Variants in ACSM1 observed in about 807,000 individuals in gnomAD.
The protein encoded by ACSM1 is acyl-coenzyme A synthetase ACSM1, mitochondrial.
ACSM1 carries 79 observed loss-of-function variants against 75.8 expected under a neutral mutation model. The observed-to-expected ratio is 1.04, with a 90% CI of 0.87 to 1.26. The LOEUF is 1.26. Among genes scored for constraint, ACSM1 ranks in the 50% most tolerant of loss-of-function variants. The pLI is 0.00. For synonymous variants in ACSM1, 279 were observed against 265.8 expected (o/e 1.05, Z -0.48); for missense variants, 676 against 720.1 (o/e 0.94, Z 0.70).
chr16:20,677,170 G>T (rs1340642370), intron 4 of ACSM1, among the ~76,000 whole-genome samples: 1 of 150,380 alleles, frequency 6.6e-6, no homozygotes, highest in East Asian at 1.9e-4. Context: ...ACAAAGAGAA[G>T]GAAAGAAAGA....
chr16:20,638,670 G>A (rs2017876881), intron 8 of ACSM1, among the ~76,000 whole-genome samples: 1 of 152,200 alleles, frequency 6.6e-6, no homozygotes, highest in African/African-American at 2.4e-5. Context: ...AGGTGAGAAA[G>A]CATACATAAT....
chr16:20,678,312 A>G (rs1352851797), intron 4 of ACSM1, among the ~76,000 whole-genome samples: 2 of 152,184 alleles, frequency 1.3e-5, no homozygotes, highest in Non-Finnish European at 2.9e-5. Context: ...AAAAAACAGC[A>G]CTAAAGACAT....
chr16:20,637,465 AAAG>A lies in ACSM1; in HGVS notation c.1117-17_1117-15del. On this transcript the variant is annotated splice_polypyrimidine_tract_variant and intron_variant, in intron 8 of 13. Transcript: ENST00000520010. ...ACAAATTAGTCCCTGTTCACAAAAGAAAGAAGATTTGGGTTGATCAGAGAGGCC... is the reference window on the plus strand; with the variant it reads ...ACAAATTAGTCCCTGTTCACAAAAGAAAGATTTGGGTTGATCAGAGAGGCC... 6.2e-7 allele frequency: 1 copy of A among 1,612,634 alleles called. No individual in the cohort carries two copies. Among genetic ancestry groups the A allele is most frequent in the Non-Finnish European group, 8.5e-7 (1 of 1,179,260 alleles).
rs148357728 is a variant in ACSM1, at chr16:20,659,958, C to A, written c.992+1836G>T. Reference sequence around the variant, plus strand: ...TTTGCATTGTCCTGCCTTTCTGAACCAAACCAATGTGTTTCTTAAATGTAT... The same window carrying A: ...TTTGCATTGTCCTGCCTTTCTGAACAAAACCAATGTGTTTCTTAAATGTAT... On this transcript the variant is annotated intron_variant, in intron 7 of 13. Transcript: ENST00000520010. Among the ~76,000 whole-genome samples, 1,167 of 152,242 alleles carry A rather than the reference C, an allele frequency of 7.7e-3. 9 individuals are homozygous for A. Among genetic ancestry groups the A allele is most frequent in the African/African-American group, 0.027 (1,113 of 41,548 alleles).
In ACSM1 at chr16:20,635,880, C is replaced by A. The variant is rs528220755; in HGVS notation, c.1299+859G>T. ...GGTTTCGAACTCCTGACCTCGTGAT[C>A]CACCCACCTAGGCTTCCCAAAGTGC... is the stretch of plus-strand genomic sequence containing the variant. On this transcript the variant is annotated intron_variant, in intron 10 of 13. Coordinates refer to ENST00000520010, the MANE Select transcript of ACSM1 (RefSeq NM_001318890.3). Among the ~76,000 whole-genome samples the A allele has an allele frequency of 7.9e-5, 12 of 152,214 alleles. No homozygotes were observed. In the East Asian group the frequency reaches 2.1e-3, roughly 27 times the overall value.
chr16:20,665,968 A>T (rs1344640872), intron 6 of ACSM1, among the ~76,000 whole-genome samples: 1 of 152,160 alleles, frequency 6.6e-6, no homozygotes. Flanking sequence ...GAAATGAGGC[A>T]TTGAAAGAAC....
chr16:20,691,252 T>C lies in ACSM1; in HGVS notation c.-51-13A>G, dbSNP rs1014690654. The C allele has an allele frequency of 7.3e-7, 1 of 1,364,390 alleles. No individual in the cohort carries two copies. The highest frequency in any genetic ancestry group is 1.5e-5 in the African/African-American group (1 of 66,696). 84.5% of individuals were successfully genotyped at this position (1,364,390 alleles called of 1,614,324 possible). A position where few individuals can be genotyped will look rare whatever the true frequency, so the allele number is the denominator to read the frequency against. On this transcript the variant is annotated splice_polypyrimidine_tract_variant and intron_variant, in intron 1 of 13. Transcript: ENST00000520010. ...AGTCACCACCTGCCTTGGGAAGAGA[T>C]GGCTAATAGATTGGCTGTGTATCCA...
At chr16:20,633,450 T>C (rs2017470644) in intron 10 of ACSM1, among the ~76,000 whole-genome samples, 1 of 152,104 alleles carries the variant, frequency 6.6e-6, no homozygotes, top group African/African-American at 2.4e-5. Flanking sequence ...AAGACAGTAG[T>C]ACTCATAATA....
Position 20,672,523 on chromosome 16 carries a change from A to T in ACSM1, c.612-852T>A, listed in dbSNP as rs1246043355. Among the ~76,000 whole-genome samples, 4 of 133,340 alleles carry T rather than the reference A, an allele frequency of 3.0e-5. No individual in the cohort carries two copies. The East Asian group carries it at 8.8e-4, about 29-fold the overall frequency. 87.5% of individuals were successfully genotyped at this position (133,340 alleles called of 152,430 possible). A position where few individuals can be genotyped will look rare whatever the true frequency, so the allele number is the denominator to read the frequency against. ...AAAACATATTTATATATTATATATC[A>T]TATATTAAATTTATATATAAAATTA... On this transcript the variant is annotated intron_variant, in intron 4 of 13. Transcript: ENST00000520010.
intron 1 of ACSM1, among the ~76,000 whole-genome samples, chr16:20,693,261 A>G (rs1227336122): frequency 1.3e-5 from 2 of 152,124 alleles, no homozygotes; most frequent in Non-Finnish European, 2.9e-5. Flanking sequence ...GTTCTTCCCT[A>G]GAGTAGCATT....
intron 1 of ACSM1, among the ~76,000 whole-genome samples, chr16:20,692,084 T>C (rs1321592467): frequency 6.6e-6 from 1 of 152,150 alleles, no homozygotes; most frequent in Admixed American, 6.5e-5. Context: ...TGGGTTTCTG[T>C]CACTTGAGAC....
intron 10 of ACSM1, among the ~76,000 whole-genome samples, chr16:20,628,628 G>A (rs1335625362): frequency 6.6e-6 from 1 of 151,638 alleles, no homozygotes; most frequent in Non-Finnish European, 1.5e-5. Context: ...TTTTGTTGCT[G>A]AACAGTATTC....
chr16:20,694,829 C>T, intron 1 of ACSM1, among the ~76,000 whole-genome samples: 1 of 152,082 alleles, frequency 6.6e-6, no homozygotes, highest in Non-Finnish European at 1.5e-5. Context: ...AGGGTGGGCC[C>T]TAATCCAATA....
chr16:20,636,868 A>G, intron 9 of ACSM1, 28 bp from the exon 10 acceptor site: 1 of 1,572,322 alleles, frequency 6.4e-7, no homozygotes, highest in South Asian at 1.1e-5. Context: ...TGAATCATAC[A>G]CTGCAGGAGG....
At position 20,691,096 on chromosome 16, in the gene ACSM1, A is replaced by G; in HGVS notation, c.93T>C (p.Ser31=). ...HPAPSQLRCR[S]LSEFGAPRWN... is the part of the protein sequence containing the mutation. ...ATCTTGGGGCTCCAAATTCTGATAA[A>G]GACCGGCAGCGCAGCTGTGAAGGGG... is the stretch of plus-strand genomic sequence containing the variant. The change falls in exon 2 of 14, where the codon TCT becomes TCC. Residue 31 remains serine, a synonymous_variant. Transcript: ENST00000520010. 1 of 1,613,734 alleles carries G rather than the reference A, an allele frequency of 6.2e-7. No individual in the cohort carries two copies. The highest frequency in any genetic ancestry group is 8.5e-7 in the Non-Finnish European group (1 of 1,179,826).
In ACSM1 at chr16:20,689,843, G is replaced by A. The variant is rs1041306066; in HGVS notation, c.192+1154C>T. ...GAGATATTTTGGCATCATCAGATTG[G>A]GAGACTAGGTTAAATAATGGATTGT... On this transcript the variant is annotated intron_variant, in intron 2 of 13. Transcript: ENST00000520010. Among the ~76,000 whole-genome samples the A allele has an allele frequency of 9.2e-5, 14 of 152,206 alleles. 1 individual carries two copies. The highest frequency in any genetic ancestry group is 9.2e-4 in the Admixed American group (14 of 15,294).
At chr16:20,672,800 GTATAATA>G (rs1440856475) in intron 4 of ACSM1, among the ~76,000 whole-genome samples, 2 of 110,152 alleles carry the variant, frequency 1.8e-5, no homozygotes, top group South Asian at 2.7e-4. Context: ...TACAAAATAT[GTATAATA>G]TATAATATAT....
rs369270509 is a variant in ACSM1, at chr16:20,637,348, T to G, written c.1197+23A>C. 1,177 of 1,609,812 alleles carry G rather than the reference T, an allele frequency of 7.3e-4. 1 individual carries two copies. Among genetic ancestry groups the G allele is most frequent in the Non-Finnish European group, 9.5e-4 (1,114 of 1,176,160 alleles). ...CCCCCGCTGAGCCCTAACTGCTCCCTGCCAATGCCCTTAGGACCAGACCTG... is the reference window on the plus strand; with the variant it reads ...CCCCCGCTGAGCCCTAACTGCTCCCGGCCAATGCCCTTAGGACCAGACCTG... On this transcript the variant is annotated intron_variant, in intron 9 of 13. Coordinates refer to ENST00000520010, the MANE Select transcript of ACSM1 (RefSeq NM_001318890.3).
chr16:20,668,153 T>C (rs1168169425), intron 6 of ACSM1, among the ~76,000 whole-genome samples: 1 of 152,180 alleles, frequency 6.6e-6, no homozygotes, highest in Non-Finnish European at 1.5e-5. Context: ...ATGCACCCTC[T>C]GAATCAAAAA....
Sources: gnomAD v4.1 joint callset for allele counts (sites outside exome capture counted in the v4.1 genomes callset) on GRCh38, gnomAD v4.1.1 for gene constraint, MANE v1.5 for transcripts, NCBI Gene and HGNC (gene_info 2026-07-23, HGNC 2026-07-21) for gene names.